The following EIF3CL variants were observed in gnomAD, a reference collection of about 807,000 sequenced individuals.
EIF3CL encodes eukaryotic translation initiation factor 3 subunit C like, also known as eukaryotic translation initiation factor 3 subunit C-like protein.
For missense variants in EIF3CL, 5 were observed against 56.1 expected, an observed-to-expected ratio of 0.09 and a Z score of 2.91; for synonymous variants, 2 against 19.6, an observed-to-expected ratio of 0.10 and a Z score of 2.37.
At chr16:28,418,652 C>A in the EIF3CL span, among the ~76,000 whole-genome samples, 2 of 150,922 alleles carry the variant, frequency 1.3e-5, no homozygotes, top group Non-Finnish European at 3.0e-5. Context: ...TTTTTTTTGA[C>A]ACAGTTTCGC....
the EIF3CL span, among the ~76,000 whole-genome samples, chr16:28,417,895 T>C: frequency 3.9e-5 from 3 of 76,044 alleles, no homozygotes; most frequent in Non-Finnish European, 2.5e-5. Context: ...AAAAAAAAAT[T>C]AGCCAGGCGT....
the EIF3CL span, among the ~76,000 whole-genome samples, chr16:28,412,874 GCT>G: frequency 9.6e-4 from 145 of 150,706 alleles, no homozygotes; most frequent in Admixed American, 1.9e-3. Context: ...TCTGGTGAGG[GCT>G]CTGTTTCTGG....
At chr16:28,414,814 A>T in the EIF3CL span, 2 of 470,910 alleles carry the variant, frequency 4.2e-6, no homozygotes, top group Non-Finnish European at 8.6e-6. Context: ...CCCCTGAGGA[A>T]CTCCAAAAGG....
At chr16:28,422,583 C>T in the EIF3CL span, among the ~76,000 whole-genome samples, 83 of 140,728 alleles carry the variant, frequency 5.9e-4, no homozygotes, top group South Asian at 4.6e-3. Flanking sequence ...CTGTAATACC[C>T]GCAATCTGGG....
At chr16:28,417,171 G>A in the EIF3CL span, among the ~76,000 whole-genome samples, 3 of 142,354 alleles carry the variant, frequency 2.1e-5, no homozygotes, top group Non-Finnish European at 3.1e-5. Flanking sequence ...CCGGCCAGCC[G>A]CCCCGTCCGG....
At chr16:28,391,506 CA>C (rs1166949198) in intron 10 of EIF3CL, among the ~76,000 whole-genome samples, 4 of 428 alleles carry the variant, frequency 9.3e-3, no homozygotes, top group East Asian at 0.12. Context: ...CCATCTCAAA[CA>C]AAAAAAAAAA....
chr16:28,418,974 G>A, the EIF3CL span, among the ~76,000 whole-genome samples: 1 of 147,802 alleles, frequency 6.8e-6, no homozygotes, highest in African/African-American at 2.5e-5. Flanking sequence ...CGACTCTCCA[G>A]GGATGTGATA....
chr16:28,422,539 A>C, the EIF3CL span, among the ~76,000 whole-genome samples: 1 of 137,022 alleles, frequency 7.3e-6, no homozygotes. Flanking sequence ...GTTCTTATTT[A>C]GAAAAATTTC....
chr16:28,416,455 G>A, the EIF3CL span, among the ~76,000 whole-genome samples: 1 of 20,888 alleles, frequency 4.8e-5, no homozygotes, highest in African/African-American at 2.0e-4. Flanking sequence ...GTCTCTGCCC[G>A]GCCGCCCATC....
At chr16:28,416,698 C>T in the EIF3CL span, among the ~76,000 whole-genome samples, 1 of 120,138 alleles carries the variant, frequency 8.3e-6, no homozygotes. Context: ...GGCAGCCACC[C>T]CATCTGGGAA....
chr16:28,417,290 C>G, the EIF3CL span, among the ~76,000 whole-genome samples: 1 of 148,820 alleles, frequency 6.7e-6, no homozygotes, highest in African/African-American at 2.5e-5. Flanking sequence ...GCCCCTCTGA[C>G]CGGCCACCAC....
chr16:28,414,591 C>G, the EIF3CL span: 2 of 242,364 alleles, frequency 8.3e-6, no homozygotes, highest in Non-Finnish European at 1.6e-5. Context: ...AGGGGTCCCC[C>G]GGGTCTGCTT....
chr16:28,417,868 A>C, the EIF3CL span, among the ~76,000 whole-genome samples: 2 of 103,096 alleles, frequency 1.9e-5, no homozygotes, highest in African/African-American at 6.3e-5. Context: ...GCACTTTAGG[A>C]ATGCAAAAAA....
chr16:28,417,920 G>GTT, the EIF3CL span, among the ~76,000 whole-genome samples: 2 of 130,174 alleles, frequency 1.5e-5, no homozygotes, highest in East Asian at 4.9e-4. Context: ...GCGCATGCCT[G>GTT]TAATCCTAGC....
At chr16:28,417,874 A>C in the EIF3CL span, among the ~76,000 whole-genome samples, 6 of 5,128 alleles carry the variant, frequency 1.2e-3, no homozygotes, top group East Asian at 0.036. Context: ...TAGGAATGCA[A>C]AAAAAAAAAA....
chr16:28,418,615 G>A, the EIF3CL span, among the ~76,000 whole-genome samples: 2 of 136,466 alleles, frequency 1.5e-5, no homozygotes, highest in Non-Finnish European at 3.2e-5. Flanking sequence ...ACCAGCATAT[G>A]CTAAACGCCT....
At chr16:28,414,834 C>T in the EIF3CL span, 21 of 493,164 alleles carry the variant, frequency 4.3e-5, 3 homozygotes, top group African/African-American at 8.4e-5. Flanking sequence ...GGCTTCAATG[C>T]GAAGGACGCG....
At chr16:28,416,786 G>A in the EIF3CL span, among the ~76,000 whole-genome samples, 18 of 91,660 alleles carry the variant, frequency 2.0e-4, no homozygotes, top group Admixed American at 4.8e-4. Context: ...CCGGCCAGCC[G>A]CCCCGTCCGG....
At chr16:28,418,947 G>A in the EIF3CL span, among the ~76,000 whole-genome samples, 1 of 147,784 alleles carries the variant, frequency 6.8e-6, no homozygotes, top group East Asian at 2.0e-4. Flanking sequence ...AGTCTTTGAG[G>A]GTGGCACTAG....
Sources: allele counts gnomAD v4.1 joint callset (sites outside exome capture counted in the v4.1 genomes callset), GRCh38; gene constraint gnomAD v4.1.1; transcripts MANE v1.5; gene names NCBI Gene and HGNC (gene_info 2026-07-23, HGNC 2026-07-21).